PDE12: variants seen among roughly 807,000 people sequenced by gnomAD.
The protein encoded by PDE12 is 2',5'-phosphodiesterase 12.
In PDE12, 26 loss-of-function variants were observed where a neutral mutation model predicts 45.4. The ratio of observed to expected loss-of-function variants is 0.57; its 90% CI spans 0.42 to 0.79. The LOEUF (loss-of-function observed/expected upper bound fraction) is 0.79. Among genes scored for constraint, PDE12 ranks in the 30% least tolerant of loss-of-function variants. The pLI is 0.00. For synonymous variants in PDE12, 283 were observed against 323.9 expected, an observed-to-expected ratio of 0.87 and a Z score of 1.36; for missense variants, 668 against 790.0, an observed-to-expected ratio of 0.85 and a Z score of 1.85.
At chr3:57,612,983 C>A in the PDE12 span, among the ~76,000 whole-genome samples, 1 of 151,920 alleles carries the variant, frequency 6.6e-6, no homozygotes, top group Non-Finnish European at 1.5e-5. Context: ...CATACAAAAA[C>A]CTTTTTCTTT....
At chr3:57,646,052 A>C in the PDE12 span, among the ~76,000 whole-genome samples, 1 of 152,208 alleles carries the variant, frequency 6.6e-6, no homozygotes, top group African/African-American at 2.4e-5. Context: ...TTTATCAAGG[A>C]ACAACTTCAT....
Position 57,557,421 on chromosome 3 carries a change from T to A in PDE12, c.1042T>A (p.Cys348Ser). The A allele has an allele frequency of 1.2e-6, 2 of 1,614,028 alleles. No homozygotes were observed. The highest frequency in any genetic ancestry group is 1.7e-6 in the Non-Finnish European group (2 of 1,180,034). ...CACCGGCTACAACGCCGATGTCATC[T>A]GTTTGCAGGAGGTTGACCGCGCAGT... is the stretch of plus-strand genomic sequence containing the variant. ...ELTGYNADVI[C>S]LQEVDRAVFS... is the part of the protein sequence containing the mutation. The change falls in exon 1 of 3, where the codon TGT (cysteine) becomes AGT (serine). Residue 348 changes from cysteine to serine, a missense_variant. Cys to Ser is a moderately radical substitution (Grantham distance 112). Transcript: ENST00000311180.
At chr3:57,577,488 G>A in the PDE12 span, 3 of 857,746 alleles carry the variant, frequency 3.5e-6, no homozygotes, top group African/African-American at 1.7e-5. Flanking sequence ...ACATTAGGAA[G>A]AAAATGTCTC....
the PDE12 span, among the ~76,000 whole-genome samples, chr3:57,576,423 C>T: frequency 6.7e-6 from 1 of 148,788 alleles, no homozygotes; most frequent in Non-Finnish European, 1.5e-5. Context: ...GATGGTTGTA[C>T]AACTATGTAT....
chr3:57,638,582 C>T, the PDE12 span, among the ~76,000 whole-genome samples: 312 of 152,116 alleles, frequency 2.1e-3, no homozygotes, highest in African/African-American at 5.3e-3. Context: ...TGCTTGAACC[C>T]GGGAGGTGGA....
chr3:57,560,871 T>C lies in PDE12; in HGVS notation c.*867T>C. On this transcript the variant is annotated 3_prime_UTR_variant, in exon 3 of 3. Transcript: ENST00000311180. ...ATTAGGGTCTACCTCTACCTCAATT[T>C]AGTTAGCGATTTACTACAATTTCAG... 2.0e-6 allele frequency: 2 copies of C among 985,392 alleles called. No individual in the cohort carries two copies. The highest frequency in any genetic ancestry group is 1.2e-6 in the Non-Finnish European group (1 of 829,534). 61.0% of individuals were successfully genotyped at this position (985,392 alleles called of 1,614,324 possible). A position where few individuals can be genotyped will look rare whatever the true frequency, so the allele number is the denominator to read the frequency against.
the PDE12 span, among the ~76,000 whole-genome samples, chr3:57,643,427 A>G: frequency 6.6e-5 from 10 of 152,094 alleles, no homozygotes; most frequent in African/African-American, 2.4e-4. Context: ...CACAACACAC[A>G]CACACGCCTG....
chr3:57,595,983 C>G, the PDE12 span, among the ~76,000 whole-genome samples: 1 of 151,806 alleles, frequency 6.6e-6, no homozygotes, highest in Non-Finnish European at 1.5e-5. Context: ...AAAATAAAAC[C>G]TCCTCCGGTA....
chr3:57,593,853 C>T, the PDE12 span, among the ~76,000 whole-genome samples: 1 of 152,082 alleles, frequency 6.6e-6, no homozygotes, highest in Non-Finnish European at 1.5e-5. Flanking sequence ...GTGAGACCTT[C>T]TTGCTACAAA....
chr3:57,575,125 C>T, the PDE12 span, among the ~76,000 whole-genome samples: 1 of 150,474 alleles, frequency 6.6e-6, no homozygotes, highest in African/African-American at 2.4e-5. Context: ...GTTGGGATTA[C>T]AGGCATGAGC....
At chr3:57,601,985 C>T in the PDE12 span, among the ~76,000 whole-genome samples, 1 of 151,238 alleles carries the variant, frequency 6.6e-6, no homozygotes, top group Non-Finnish European at 1.5e-5. Flanking sequence ...GAATGCCTGA[C>T]CTCAAGTGAT....
chr3:57,560,920 A>G lies in PDE12; in HGVS notation c.*916A>G, dbSNP rs1042137277. 2.9e-5 allele frequency: 29 copies of G among 983,518 alleles called. No individual in the cohort carries two copies. The highest frequency in any genetic ancestry group is 3.4e-5 in the Non-Finnish European group (28 of 827,892). The allele number at this position is 983,518 out of a possible 1,614,324, so 60.9% of individuals were successfully genotyped here. On this transcript the variant is annotated 3_prime_UTR_variant, in exon 3 of 3. Transcript: ENST00000311180. ...AGAGCTTTAACAAAAGATAAAAATA[A>G]ATCGTCACCAATTGTTATTGCTTCT...
chr3:57,582,330 C>T, the PDE12 span, among the ~76,000 whole-genome samples: 140 of 150,488 alleles, frequency 9.3e-4, no homozygotes, highest in African/African-American at 3.3e-3. Flanking sequence ...ACAACCTCCA[C>T]CTCCCGGGTT....
At chr3:57,605,460 T>C in the PDE12 span, among the ~76,000 whole-genome samples, 1 of 152,134 alleles carries the variant, frequency 6.6e-6, no homozygotes, top group Non-Finnish European at 1.5e-5. Context: ...ACTCATAACC[T>C]GTGGGACAGT....
At chr3:57,643,740 T>C in the PDE12 span, among the ~76,000 whole-genome samples, 1 of 149,340 alleles carries the variant, frequency 6.7e-6, no homozygotes, top group Admixed American at 6.7e-5. Context: ...GGTAGGAGAA[T>C]CACTTGAACC....
the PDE12 span, chr3:57,575,648 G>A: frequency 6.2e-7 from 1 of 1,611,552 alleles, no homozygotes; most frequent in Non-Finnish European, 8.5e-7. Context: ...TAGCAGCACT[G>A]CATCTCTCAA....
At chr3:57,621,930 CT>C in the PDE12 span, among the ~76,000 whole-genome samples, 1 of 152,174 alleles carries the variant, frequency 6.6e-6, no homozygotes, top group Non-Finnish European at 1.5e-5. Flanking sequence ...AATCCCAGCA[CT>C]TTGGGAGCCC....
chr3:57,577,964 G>A, the PDE12 span, among the ~76,000 whole-genome samples: 1 of 151,978 alleles, frequency 6.6e-6, no homozygotes, highest in African/African-American at 2.4e-5. Context: ...TGAGGTGGGA[G>A]GAATCACGAG....
chr3:57,581,135 A>T, the PDE12 span, among the ~76,000 whole-genome samples: 1 of 152,238 alleles, frequency 6.6e-6, no homozygotes, highest in African/African-American at 2.4e-5. Context: ...TTATAAGAGG[A>T]ATTTACTACA....
Sources: allele counts gnomAD v4.1 joint callset (sites outside exome capture counted in the v4.1 genomes callset), GRCh38; gene constraint gnomAD v4.1.1; transcripts MANE v1.5; gene names NCBI Gene and HGNC (gene_info 2026-07-23, HGNC 2026-07-21).